The following AUH variants were observed in gnomAD, a reference collection of about 807,000 sequenced individuals.
AUH encodes the protein methylglutaconyl-CoA hydratase, mitochondrial.
In AUH, 29 loss-of-function variants were observed where a neutral mutation model predicts 42.3. That is an observed-to-expected ratio of 0.69 (90% CI 0.51 to 0.93). The LOEUF (loss-of-function observed/expected upper bound fraction) is 0.93, where lower values mean the gene tolerates loss of function less well. Among genes scored for constraint, AUH ranks in the 40% least tolerant of loss-of-function variants. The pLI, the probability that AUH is intolerant of heterozygous loss-of-function variation, is 0.00. For synonymous variants in AUH, 174 were observed against 166.4 expected, an observed-to-expected ratio of 1.05 and a Z score of -0.35; for missense variants, 452 against 438.1, an observed-to-expected ratio of 1.03 and a Z score of -0.28.
intron 6 of AUH, among the ~76,000 whole-genome samples, chr9:91,232,744 G>C (rs1021262784): frequency 3.3e-5 from 5 of 152,228 alleles, no homozygotes; most frequent in African/African-American, 1.2e-4. Flanking sequence ...TGCCTTGGCT[G>C]TGTCAACTTG....
chr9:91,311,168 C>A (rs1242184898), intron 4 of AUH, among the ~76,000 whole-genome samples: 1 of 151,982 alleles, frequency 6.6e-6, no homozygotes, highest in Non-Finnish European at 1.5e-5. Flanking sequence ...TGAATATGGA[C>A]AGTAGATTTT....
At chr9:91,306,377 A>G in intron 4 of AUH, 8 of 985,428 alleles carry the variant, frequency 8.1e-6, no homozygotes, top group Non-Finnish European at 9.6e-6. Flanking sequence ...CACATTTAAC[A>G]AAACTCTTGG....
chr9:91,258,185 CAT>C (rs753312524), intron 6 of AUH, among the ~76,000 whole-genome samples: 4 of 152,250 alleles, frequency 2.6e-5, no homozygotes, highest in East Asian at 1.9e-4. Flanking sequence ...CATATCATGA[CAT>C]GTGTGAAGAC....
chr9:91,217,823 T>C (rs1451233360), intron 7 of AUH, among the ~76,000 whole-genome samples: 2 of 152,196 alleles, frequency 1.3e-5, no homozygotes, highest in African/African-American at 4.8e-5. Flanking sequence ...GGTGGATTAA[T>C]CAACAGTGTC....
chr9:91,262,370 G>A (rs1419367271), intron 6 of AUH, among the ~76,000 whole-genome samples: 1 of 152,094 alleles, frequency 6.6e-6, no homozygotes, highest in Admixed American at 6.6e-5. Context: ...AGGATGACAG[G>A]ATCATCTGCA....
At chr9:91,244,741 G>A (rs1193393759) in intron 6 of AUH, among the ~76,000 whole-genome samples, 1 of 152,164 alleles carries the variant, frequency 6.6e-6, no homozygotes, top group Non-Finnish European at 1.5e-5. Flanking sequence ...GAGAATGTGT[G>A]AAGGGAAGTT....
At chr9:91,260,279 T>C (rs1281838345) in intron 6 of AUH, among the ~76,000 whole-genome samples, 1 of 152,200 alleles carries the variant, frequency 6.6e-6, no homozygotes, top group Non-Finnish European at 1.5e-5. Context: ...ACTGGTTTAA[T>C]CTGACAATCT....
At chr9:91,354,994 C>T (rs1217347260) in intron 3 of AUH, among the ~76,000 whole-genome samples, 1 of 152,170 alleles carries the variant, frequency 6.6e-6, no homozygotes, top group Non-Finnish European at 1.5e-5. Context: ...GTATTACTCA[C>T]ATTTGACAAA....
chr9:91,302,543 C>T (rs551806295), intron 4 of AUH, among the ~76,000 whole-genome samples: 3 of 152,178 alleles, frequency 2.0e-5, no homozygotes, highest in African/African-American at 4.8e-5. Context: ...GAGCTGAGAT[C>T]GCGCCATTGC....
intron 4 of AUH, among the ~76,000 whole-genome samples, chr9:91,315,347 C>A (rs12683385): frequency 2.0e-5 from 3 of 152,170 alleles, no homozygotes; most frequent in Non-Finnish European, 2.9e-5. Context: ...AGCTCAAATG[C>A]GCATGTGCCT....
chr9:91,214,453 C>A, intron 9 of AUH, 28 bp from the exon 10 acceptor site: 2 of 1,542,694 alleles, frequency 1.3e-6, no homozygotes, highest in Middle Eastern at 1.7e-4. Flanking sequence ...TTAAATATGT[C>A]AAAAATGTTA....
In AUH at chr9:91,361,772, A is replaced by G; in HGVS notation, c.118T>C (p.Leu40=). The G allele has an allele frequency of 6.5e-7, 1 of 1,544,478 alleles. No individual in the cohort carries two copies. The highest frequency in any genetic ancestry group is 1.7e-4 in the Middle Eastern group (1 of 5,844). ...LCPGLRLPGS[L]AGRRAGPAIW... The stretch of plus-strand genomic sequence containing the variant: ...GCCGGGCCCGCTCGCCGGCCTGCCA[A>G]CGAGCCGGGCAGCCTCAACCCCGGG... Residue 40 remains leucine (L), a synonymous_variant, in exon 1 of 10, where the codon TTG becomes CTG. Transcript: ENST00000375731.
intron 1 of AUH, among the ~76,000 whole-genome samples, chr9:91,358,270 G>A (rs1004340968): frequency 5.3e-4 from 80 of 152,308 alleles, no homozygotes; most frequent in African/African-American, 1.8e-3. Context: ...TGAGGGTGGA[G>A]GGGAGTAAAG....
At chr9:91,225,812 T>G (rs577499809) in intron 6 of AUH, among the ~76,000 whole-genome samples, 4 of 151,794 alleles carry the variant, frequency 2.6e-5, no homozygotes, top group Non-Finnish European at 4.4e-5. Flanking sequence ...GTTTGGTTTT[T>G]TGTTCTTGGG....
At chr9:91,321,514 A>G (rs1829568677) in intron 4 of AUH, among the ~76,000 whole-genome samples, 1 of 152,216 alleles carries the variant, frequency 6.6e-6, no homozygotes, top group East Asian at 1.9e-4. Flanking sequence ...TATGACTCCA[A>G]AAAGCAAAAC....
chr9:91,287,171 T>C (rs999900473), intron 6 of AUH, among the ~76,000 whole-genome samples: 17 of 152,130 alleles, frequency 1.1e-4, no homozygotes, highest in Non-Finnish European at 1.6e-4. Flanking sequence ...AGGGACATCA[T>C]GCAACCCCAA....
chr9:91,351,104 G>C (rs183754986), intron 3 of AUH, among the ~76,000 whole-genome samples: 16 of 152,130 alleles, frequency 1.1e-4, no homozygotes, highest in Middle Eastern at 3.4e-3. Context: ...TGAGTAGCTA[G>C]GACTACAGGC....
intron 7 of AUH, among the ~76,000 whole-genome samples, chr9:91,219,312 T>C (rs1176957679): frequency 6.6e-6 from 1 of 152,186 alleles, no homozygotes; most frequent in African/African-American, 2.4e-5. Flanking sequence ...ATCATCAGAA[T>C]TGGAACTGTG....
At chr9:91,356,649 TACAAA>T (rs1432448761) in intron 1 of AUH, among the ~76,000 whole-genome samples, 1 of 152,130 alleles carries the variant, frequency 6.6e-6, no homozygotes, top group Non-Finnish European at 1.5e-5. Context: ...ACTCAACCTA[TACAAA>T]ACAAAGTTCA....
Sources: allele counts gnomAD v4.1 joint callset (sites outside exome capture counted in the v4.1 genomes callset), GRCh38; gene constraint gnomAD v4.1.1; transcripts MANE v1.5; gene names NCBI Gene and HGNC (gene_info 2026-07-23, HGNC 2026-07-21).